RSRC1: variants seen among roughly 807,000 people sequenced by gnomAD.
The protein encoded by RSRC1 is serine/Arginine-related protein 53.
In RSRC1, 39 loss-of-function variants were observed where a neutral mutation model predicts 49.1. The ratio of observed to expected loss-of-function variants is 0.79; its 90% CI spans 0.61 to 1.04. RSRC1 has a LOEUF of 1.04. Among genes scored for constraint, RSRC1 ranks in the 50% least tolerant of loss-of-function variants. The pLI, the probability that RSRC1 is intolerant of heterozygous loss-of-function variation, is 0.00. For synonymous variants in RSRC1, 143 were observed against 130.8 expected, an observed-to-expected ratio of 1.09 and a Z score of -0.63; for missense variants, 388 against 402.4, an observed-to-expected ratio of 0.96 and a Z score of 0.31.
intron 6 of RSRC1, among the ~76,000 whole-genome samples, chr3:158,370,842 T>A (rs1578397558): frequency 6.6e-6 from 1 of 151,982 alleles, no homozygotes; most frequent in African/African-American, 2.4e-5. Flanking sequence ...TATAACTTTA[T>A]AAGTCACTGC....
intron 5 of RSRC1, among the ~76,000 whole-genome samples, chr3:158,300,309 A>G (rs1055105755): frequency 1.3e-5 from 2 of 152,182 alleles, no homozygotes; most frequent in African/African-American, 4.8e-5. Flanking sequence ...TCGACCCACT[A>G]ACTGTGAACT....
At chr3:158,355,085 T>TA in intron 6 of RSRC1, 177 bp downstream of exon 6, 2 of 443,798 alleles carry the variant, frequency 4.5e-6, no homozygotes, top group Middle Eastern at 5.4e-4. Flanking sequence ...TGCCGCAGTA[T>TA]AATGCTAAGT....
intron 1 of RSRC1, among the ~76,000 whole-genome samples, chr3:158,117,385 C>T (rs1391464398): frequency 1.3e-5 from 2 of 152,206 alleles, no homozygotes; most frequent in African/African-American, 4.8e-5. Flanking sequence ...CAGCCTGGAC[C>T]TTCTGGGCTC....
chr3:158,541,008 G>C (rs1041953168), intron 8 of RSRC1, among the ~76,000 whole-genome samples: 2 of 152,192 alleles, frequency 1.3e-5, no homozygotes, highest in Admixed American at 1.3e-4. Context: ...CTGTGGTGCT[G>C]GGAAGTGATA....
rs540584990 is a variant in RSRC1 at position 158,340,392 on chromosome 3, T to C, written c.532-14465T>C. ...CCTGGCTCTACTAAAAATACAAAAATTAGCTGGGCATGATGGCATGCACCT... is the reference window on the plus strand; with the variant it reads ...CCTGGCTCTACTAAAAATACAAAAACTAGCTGGGCATGATGGCATGCACCT... On this transcript the variant is annotated intron_variant, in intron 5 of 9. Transcript: ENST00000611884. 1.3e-4 allele frequency among the ~76,000 whole-genome samples: 20 copies of C among 151,976 alleles called. No homozygotes were observed. The South Asian group carries it at 3.3e-3, about 25-fold the overall frequency.
intron 7 of RSRC1, among the ~76,000 whole-genome samples, chr3:158,516,409 G>GGGGGTCA (rs1229264832): frequency 1.6e-4 from 24 of 151,714 alleles, no homozygotes; most frequent in African/African-American, 5.6e-4. Flanking sequence ...TAGGCTGCTC[G>GGGGGTCA]GGGGTCAGGG....
chr3:158,497,465 C>G (rs1225499098), intron 7 of RSRC1, among the ~76,000 whole-genome samples: 1 of 139,566 alleles, frequency 7.2e-6, no homozygotes, highest in Non-Finnish European at 1.5e-5. Context: ...GAGATGGAGT[C>G]TCATTCAGCC....
chr3:158,129,247 T>C (rs1034714951), intron 3 of RSRC1, among the ~76,000 whole-genome samples: 8 of 151,640 alleles, frequency 5.3e-5, no homozygotes, highest in Admixed American at 5.3e-4. Context: ...TTAGGTTCAA[T>C]TATTTTCTTC....
At chr3:158,258,617 C>G (rs958817754) in intron 4 of RSRC1, among the ~76,000 whole-genome samples, 2 of 151,992 alleles carry the variant, frequency 1.3e-5, no homozygotes, top group African/African-American at 2.4e-5. Flanking sequence ...TGTTTTTATC[C>G]CTTTGAACAA....
chr3:158,427,454 A>G (rs1242952182), intron 6 of RSRC1, among the ~76,000 whole-genome samples: 3 of 151,884 alleles, frequency 2.0e-5, no homozygotes, highest in East Asian at 2.0e-4. Flanking sequence ...ATACATAAAA[A>G]TAATCCTAAA....
intron 6 of RSRC1, among the ~76,000 whole-genome samples, chr3:158,381,173 T>TA (rs1216410703): frequency 2.6e-5 from 4 of 152,200 alleles, no homozygotes; most frequent in African/African-American, 9.7e-5. Context: ...CATGAACACT[T>TA]ACAAACCATG....
At chr3:158,193,260 A>G (rs1438986921) in intron 3 of RSRC1, among the ~76,000 whole-genome samples, 1 of 152,136 alleles carries the variant, frequency 6.6e-6, no homozygotes. Flanking sequence ...CTTTGAGCAT[A>G]TTAGTAACAG....
At chr3:158,532,465 G>A (rs1221064472) in intron 7 of RSRC1, among the ~76,000 whole-genome samples, 1 of 151,776 alleles carries the variant, frequency 6.6e-6, no homozygotes, top group African/African-American at 2.4e-5. Context: ...ATAACATTTG[G>A]TATTTTAAAA....
In RSRC1 at chr3:158,429,612, CTA is replaced by C. The variant is rs1272415047; in HGVS notation, c.584-31317_584-31316del. Among the ~76,000 whole-genome samples the C allele has an allele frequency of 7.4e-5, 11 of 148,828 alleles. No individual in the cohort carries two copies. In the Middle Eastern group the frequency reaches 0.01, roughly 139 times the overall value. On this transcript the variant is annotated intron_variant, in intron 6 of 9. Transcript: ENST00000611884. ...TAGTAACTTTTAATGTGTCTGGAAT[CTA>C]TATATGTGTGTGCATATATGTATAT...
chr3:158,111,313 G>C (rs1714383122), intron 1 of RSRC1, among the ~76,000 whole-genome samples: 1 of 152,206 alleles, frequency 6.6e-6, no homozygotes, highest in Non-Finnish European at 1.5e-5. Flanking sequence ...TTTTCAATAA[G>C]AGGGCTAAAA....
At position 158,454,597 on chromosome 3, in the gene RSRC1, C is replaced by T. The variant is rs1051735356; in HGVS notation, c.584-6338C>T. ...TACCAAGATGCAATCAGTATCTTCC[C>T]ACATCGCATTAAGGATGTTATTTAC... On this transcript the variant is annotated intron_variant, in intron 6 of 9. Transcript: ENST00000611884. 5.3e-5 allele frequency among the ~76,000 whole-genome samples: 8 copies of T among 152,166 alleles called. No individual in the cohort carries two copies. In the East Asian group the frequency reaches 1.5e-3, roughly 29 times the overall value.
chr3:158,143,219 C>G (rs1578129006), intron 3 of RSRC1, among the ~76,000 whole-genome samples: 2 of 151,974 alleles, frequency 1.3e-5, no homozygotes, highest in African/African-American at 4.8e-5. Flanking sequence ...TTGGAGGGAA[C>G]CTTCAGAAAA....
chr3:158,169,937 G>A (rs567314875), intron 3 of RSRC1, among the ~76,000 whole-genome samples: 2 of 152,072 alleles, frequency 1.3e-5, no homozygotes, highest in Non-Finnish European at 2.9e-5. Flanking sequence ...TAATGCTTAA[G>A]GATATATAGT....
intron 6 of RSRC1, among the ~76,000 whole-genome samples, chr3:158,447,280 C>T (rs936038217): frequency 1.3e-5 from 2 of 151,890 alleles, no homozygotes; most frequent in African/African-American, 4.8e-5. Context: ...TCAAATCAGG[C>T]AACCAAAATT....
Sources: allele counts gnomAD v4.1 joint callset (sites outside exome capture counted in the v4.1 genomes callset), GRCh38; gene constraint gnomAD v4.1.1; transcripts MANE v1.5; gene names NCBI Gene and HGNC (gene_info 2026-07-23, HGNC 2026-07-21).